The following EIF4E2 variants were observed in gnomAD, a reference collection of about 807,000 sequenced individuals.
EIF4E2 encodes eukaryotic translation initiation factor 4E type 2.
Under a neutral mutation model 34.2 loss-of-function variants are expected in EIF4E2, and 13 were observed. The ratio of observed to expected loss-of-function variants is 0.38; its 90% CI spans 0.25 to 0.60. The LOEUF (loss-of-function observed/expected upper bound fraction) is 0.60, where lower values mean the gene tolerates loss of function less well. EIF4E2 is among the 20% of genes least tolerant of loss of function. The pLI is 0.62. For missense variants in EIF4E2, 222 were observed against 315.1 expected, an observed-to-expected ratio of 0.70 and a Z score of 2.24; for synonymous variants, 100 against 106.6, an observed-to-expected ratio of 0.94 and a Z score of 0.38.
chr2:232,560,147 C>A (rs1392450255), intron 3 of EIF4E2, among the ~76,000 whole-genome samples: 4 of 152,182 alleles, frequency 2.6e-5, no homozygotes, highest in African/African-American at 9.7e-5. Context: ...CTCCCTGAAC[C>A]TTCCTCCATA....
intron 6 of EIF4E2, chr2:232,574,371 CTG>C: frequency 6.5e-7 from 1 of 1,546,668 alleles, no homozygotes; most frequent in Non-Finnish European, 8.7e-7. Flanking sequence ...CTCTGTAACC[CTG>C]TGACATACCT....
At position 232,550,724 on chromosome 2, in the gene EIF4E2, G is replaced by T; in HGVS notation, c.-1G>T. The T allele has an allele frequency of 1.9e-6, 3 of 1,586,290 alleles. No individual in the cohort carries two copies. Among genetic ancestry groups the T allele is most frequent in the South Asian group, 1.1e-5 (1 of 87,682 alleles). On this transcript the variant is annotated 5_prime_UTR_variant, in exon 1 of 7. Coordinates refer to ENST00000258416, the MANE Select transcript of EIF4E2 (RefSeq NM_004846.4). ...GCAGTGGCGACAGCGGCGGCGAGAG[G>T]ATGAACAACAAGTTCGACGCGTGAG...
intron 6 of EIF4E2, chr2:232,580,879 A>C: frequency 6.5e-7 from 1 of 1,542,176 alleles, no homozygotes; most frequent in Non-Finnish European, 8.7e-7. Flanking sequence ...TGAACACTCT[A>C]TTTTCTCCCA....
In EIF4E2 at chr2:232,581,546, G is replaced by A. The variant is rs1693360894; in HGVS notation, c.*603G>A. 1 of 180,442 alleles carries A rather than the reference G, an allele frequency of 5.5e-6. No homozygotes were observed. The highest frequency in any genetic ancestry group is 5.7e-5 in the Admixed American group (1 of 17,598). 11.2% of individuals were successfully genotyped at this position (180,442 alleles called of 1,614,324 possible). On this transcript the variant is annotated 3_prime_UTR_variant, in exon 7 of 7. Transcript: ENST00000409098. The surrounding 1 kb of genome is among the most constrained non-coding windows in gnomAD (Gnocchi z 5.2). Reference sequence around the variant, plus strand: ...TATGCCCTCCGGTCTCCTCTCCTGTGGGACTCTCTCCTTCTTAGGCACAGC... The same window carrying A: ...TATGCCCTCCGGTCTCCTCTCCTGTAGGACTCTCTCCTTCTTAGGCACAGC...
chr2:232,565,072 G>A (rs760434760), intron 4 of EIF4E2, among the ~76,000 whole-genome samples: 2 of 152,194 alleles, frequency 1.3e-5, no homozygotes, highest in Non-Finnish European at 2.9e-5. Context: ...ATTCGGCTGC[G>A]CCCTGGTGTA....
rs948019512 is a variant in EIF4E2, at chr2:232,552,139, C to T, written c.20+1395C>T. The stretch of plus-strand genomic sequence containing the variant: ...TATGGGTCATCTAGCTCAAGCCTAC[C>T]CAAATCATTTGGGAGTCTGCAGTAA... On this transcript the variant is annotated intron_variant, in intron 1 of 6. Transcript: ENST00000258416. Among the ~76,000 whole-genome samples the T allele has an allele frequency of 1.1e-4, 16 of 152,212 alleles. 1 individual carries two copies. The highest frequency in any genetic ancestry group is 3.6e-4 in the African/African-American group (15 of 41,530).
Position 232,566,686 on chromosome 2 carries a change from C to A in EIF4E2, c.376-143C>A. On this transcript the variant is annotated intron_variant, in intron 4 of 6. Transcript: ENST00000258416. This position sits in a 1 kb window ranked among gnomAD's most constrained non-coding sequence, Gnocchi z 4.9. ...CCCATTTCTTCTCTCCCTAGTCCTA[C>A]CATCAGTTTTTCTATAGAGTTGAAT... is the stretch of plus-strand genomic sequence containing the variant. The A allele has an allele frequency of 1.1e-6, 1 of 913,384 alleles. No individual in the cohort carries two copies. Among genetic ancestry groups the A allele is most frequent in the Admixed American group, 3.0e-5 (1 of 33,154 alleles). 56.6% of individuals were successfully genotyped at this position (913,384 alleles called of 1,614,324 possible).
rs1039161050 is a variant in EIF4E2 at position 232,551,386 on chromosome 2, C to A, written c.20+642C>A. Among the ~76,000 whole-genome samples, 19 of 152,202 alleles carry A rather than the reference C, an allele frequency of 1.2e-4. 1 individual carries two copies. The highest frequency in any genetic ancestry group is 4.6e-4 in the African/African-American group (19 of 41,434). On this transcript the variant is annotated intron_variant, in intron 1 of 6. Coordinates refer to ENST00000258416, the MANE Select transcript of EIF4E2 (RefSeq NM_004846.4). ...TCCTGCCCGCTCCGGTTTCTAGTTT[C>A]AGCATCAAACAGTTTGGAGGTACAG...
Position 232,566,176 on chromosome 2 carries a change from CGTT to C in EIF4E2, c.376-646_376-644del, listed in dbSNP as rs1031119440. Among the ~76,000 whole-genome samples the C allele has an allele frequency of 2.0e-4, 30 of 150,740 alleles. 1 individual carries two copies. The highest frequency in any genetic ancestry group is 3.4e-3 in the Middle Eastern group (1 of 292). ...GACAGTCAGTACTTTTTTTTGTCGT[CGTT>C]GTTGTTTTGTTTTGTTTTGTTTTTT... On this transcript the variant is annotated intron_variant, in intron 4 of 6. Coordinates refer to ENST00000258416, the MANE Select transcript of EIF4E2 (RefSeq NM_004846.4). The surrounding 1 kb of genome is among the most constrained non-coding windows in gnomAD (Gnocchi z 4.9).
rs768255743 is a variant in EIF4E2 at position 232,550,756 on chromosome 2, G to A, written c.20+12G>A. 5 of 1,550,666 alleles carry A rather than the reference G, an allele frequency of 3.2e-6. No individual in the cohort carries two copies. The African/African-American group carries it at 5.6e-5, about 17-fold the overall frequency. Reference sequence around the variant, plus strand: ...AACAAGTTCGACGCGTGAGTGGCTCGTGGCCGCCCCCGGGGCCCCTTCCCC... The same window carrying A: ...AACAAGTTCGACGCGTGAGTGGCTCATGGCCGCCCCCGGGGCCCCTTCCCC... On this transcript the variant is annotated intron_variant, in intron 1 of 6. Coordinates refer to ENST00000258416, the MANE Select transcript of EIF4E2 (RefSeq NM_004846.4).
intron 3 of EIF4E2, among the ~76,000 whole-genome samples, chr2:232,559,282 G>A (rs1202741346): frequency 6.6e-6 from 1 of 150,518 alleles, no homozygotes; most frequent in Non-Finnish European, 1.5e-5. Context: ...GGAATTATCA[G>A]CAGTTTACCA....
chr2:232,551,178 C>T (rs1010580058), intron 1 of EIF4E2: 2 of 501,238 alleles, frequency 4.0e-6, no homozygotes, highest in African/African-American at 3.9e-5. Context: ...AGAGTGGGGA[C>T]GGTAACACCC....
chr2:232,567,486 T>C, intron 6 of EIF4E2: 1 of 1,284,224 alleles, frequency 7.8e-7, no homozygotes. Flanking sequence ...CAGGCTGTCT[T>C]GTCTTTCATA....
Position 232,566,415 on chromosome 2 carries a change from C to T in EIF4E2, c.376-414C>T, listed in dbSNP as rs772057306. Among the ~76,000 whole-genome samples the T allele has an allele frequency of 1.3e-5, 2 of 152,210 alleles. No individual in the cohort carries two copies. The highest frequency in any genetic ancestry group is 2.9e-5 in the Non-Finnish European group (2 of 68,042). ...CCGTGTCAGCCAGGATGGTCTCGATCTCCTCACCTCGTGATTCGCCCACCT... is the reference window on the plus strand; with the variant it reads ...CCGTGTCAGCCAGGATGGTCTCGATTTCCTCACCTCGTGATTCGCCCACCT... On this transcript the variant is annotated intron_variant, in intron 4 of 6. Coordinates refer to ENST00000258416, the MANE Select transcript of EIF4E2 (RefSeq NM_004846.4). The surrounding 1 kb of genome is among the most constrained non-coding windows in gnomAD (Gnocchi z 4.9).
At chr2:232,580,859 A>G (rs1693337265) in intron 6 of EIF4E2, 1 of 1,503,882 alleles carries the variant, frequency 6.6e-7, no homozygotes, top group Non-Finnish European at 9.0e-7. Flanking sequence ...TGTATAGATG[A>G]TCCTTGTATT....
chr2:232,571,252 C>T (rs543981125), downstream of EIF4E2, among the ~76,000 whole-genome samples: 8 of 152,346 alleles, frequency 5.3e-5, no homozygotes, highest in East Asian at 5.8e-4. Context: ...CTGCAGAGGG[C>T]TCCTGCTCTT....
chr2:232,576,591 A>G (rs1446530930), intron 6 of EIF4E2, among the ~76,000 whole-genome samples: 1 of 152,184 alleles, frequency 6.6e-6, no homozygotes, highest in Non-Finnish European at 1.5e-5. Flanking sequence ...GTCCGTGAAG[A>G]GTGTTTGAAT....
chr2:232,569,562 G>A (rs1449369500), downstream of EIF4E2, among the ~76,000 whole-genome samples: 1 of 152,200 alleles, frequency 6.6e-6, no homozygotes, highest in Non-Finnish European at 1.5e-5. Context: ...TTGCTTCGCT[G>A]ACTTCCATTC....
rs1270201270 is a variant in EIF4E2, at chr2:232,557,891, T to C, written c.143T>C (p.Val48Ala). The C allele has an allele frequency of 4.3e-6, 7 of 1,613,274 alleles. No individual in the cohort carries two copies. The South Asian group carries it at 7.7e-5, about 18-fold the overall frequency. Reference sequence around the variant, plus strand: ...ACCTTCTTTACTTCCCAGGCTGTTGTCCCTGGACCGGCAGAGCATCCCCTG... The same window carrying C: ...ACCTTCTTTACTTCCCAGGCTGTTGCCCCTGGACCGGCAGAGCATCCCCTG... ...NQSSSKRKAV[V>A]PGPAEHPLQY... is the part of the protein sequence containing the mutation. The change falls in exon 3 of 7, where the codon GTC (valine) becomes GCC (alanine). Residue 48 changes from valine to alanine, a missense_variant. Physicochemically the swap from Val to Ala is moderately conservative, Grantham distance 64 (BLOSUM62 0). Around this residue, in one of 3 missense-constraint regions of EIF4E2, gnomAD observed 87 missense variants for 93.6 expected, o/e 0.93. Coordinates refer to ENST00000258416, the MANE Select transcript of EIF4E2 (RefSeq NM_004846.4).
Sources: allele counts gnomAD v4.1 joint callset (sites outside exome capture counted in the v4.1 genomes callset), GRCh38; gene constraint gnomAD v4.1.1; regional missense constraint gnomAD v4.1.1; non-coding constraint Gnocchi (gnomAD v3.1); transcripts MANE v1.5; gene names NCBI Gene and HGNC (gene_info 2026-07-23, HGNC 2026-07-21).